GRIN2B: variants seen among roughly 807,000 people sequenced by gnomAD.
GRIN2B encodes the protein glutamate receptor ionotropic, NMDA 2B.
In GRIN2B, 5 loss-of-function variants were observed where a neutral mutation model predicts 114.5. That is an observed-to-expected ratio of 0.04 (90% CI 0.02 to 0.09). The LOEUF is 0.09. GRIN2B is among the 10% of genes least tolerant of loss of function. GRIN2B has a pLI of 1.00. For synonymous variants in GRIN2B, 787 were observed against 745.1 expected (o/e 1.06, Z -0.92); for missense variants, 1,108 against 1,943.5 (o/e 0.57, Z 8.08).
At chr12:13,574,680 T>C (rs1948751966) in intron 10 of GRIN2B, among the ~76,000 whole-genome samples, 1 of 152,170 alleles carries the variant, frequency 6.6e-6, no homozygotes, top group Non-Finnish European at 1.5e-5. Context: ...TATAGTAATT[T>C]TTAATTTTAA....
intron 4 of GRIN2B, among the ~76,000 whole-genome samples, chr12:13,722,018 T>C (rs1250778884): frequency 1.3e-5 from 2 of 152,112 alleles, no homozygotes; most frequent in Admixed American, 1.3e-4. Context: ...GGGGACAAGA[T>C]GATAGTAGAC....
intron 3 of GRIN2B, among the ~76,000 whole-genome samples, chr12:13,761,275 T>A (rs1863675504): frequency 6.6e-6 from 1 of 152,234 alleles, no homozygotes; most frequent in Non-Finnish European, 1.5e-5. Flanking sequence ...TCTACTTGAA[T>A]TTGGCCCCAT....
intron 5 of GRIN2B, among the ~76,000 whole-genome samples, chr12:13,655,285 C>G (rs1279606305): frequency 6.6e-6 from 1 of 152,136 alleles, no homozygotes; most frequent in Non-Finnish European, 1.5e-5. Context: ...CAAGCTTGTT[C>G]TCCTAACCTA....
intron 3 of GRIN2B, among the ~76,000 whole-genome samples, chr12:13,763,695 T>C (rs1158245737): frequency 1.3e-5 from 2 of 152,184 alleles, no homozygotes; most frequent in African/African-American, 2.4e-5. Flanking sequence ...TGTTCTTAAA[T>C]AGGGACTCAG....
At chr12:13,703,323 T>A (rs1950328774) in intron 4 of GRIN2B, among the ~76,000 whole-genome samples, 1 of 152,202 alleles carries the variant, frequency 6.6e-6, no homozygotes, top group African/African-American at 2.4e-5. Context: ...CATATTTGTG[T>A]TATTCCTGAA....
chr12:13,893,898 T>C (rs1866309734), intron 2 of GRIN2B, among the ~76,000 whole-genome samples: 4 of 152,186 alleles, frequency 2.6e-5, no homozygotes, highest in African/African-American at 2.4e-5. Flanking sequence ...ACAACTATAA[T>C]AAAGAATTTA....
At chr12:13,798,296 T>TAA (rs34266526) in intron 3 of GRIN2B, among the ~76,000 whole-genome samples, 7,003 of 146,246 alleles carry the variant, frequency 0.048, 225 homozygotes, top group Admixed American at 0.072. Context: ...ATTCATTTAC[T>TAA]AAAAAAAAAA....
At chr12:13,759,154 C>T (rs1001410689) in intron 3 of GRIN2B, among the ~76,000 whole-genome samples, 3 of 151,622 alleles carry the variant, frequency 2.0e-5, no homozygotes, top group Admixed American at 6.6e-5. Flanking sequence ...ACTACAGATG[C>T]GCACCACCAC....
chr12:13,666,274 A>G (rs1475039444), intron 5 of GRIN2B, among the ~76,000 whole-genome samples: 1 of 152,156 alleles, frequency 6.6e-6, no homozygotes, highest in African/African-American at 2.4e-5. Flanking sequence ...CCTTCAGAAC[A>G]GCTAGCTGAC....
chr12:13,940,799 C>T (rs891430328), intron 2 of GRIN2B, among the ~76,000 whole-genome samples: 31 of 152,244 alleles, frequency 2.0e-4, no homozygotes, highest in Middle Eastern at 3.4e-3. Context: ...CATTCTGTAA[C>T]GGATGAGTGT....
At chr12:13,566,371 A>C (rs193001929) in intron 13 of GRIN2B, among the ~76,000 whole-genome samples, 198 of 152,278 alleles carry the variant, frequency 1.3e-3, no homozygotes, top group African/African-American at 4.6e-3. Context: ...TTTTAAAAAA[A>C]CTTCTCCCTG....
chr12:13,974,517 G>C (rs1351945217), intron 2 of GRIN2B, among the ~76,000 whole-genome samples: 1 of 152,152 alleles, frequency 6.6e-6, no homozygotes, highest in East Asian at 1.9e-4. Flanking sequence ...CGGGAGGCTT[G>C]CCTTTTACAC....
chr12:13,794,207 CAAAAA>C (rs3082833), intron 3 of GRIN2B, among the ~76,000 whole-genome samples: 1 of 103,066 alleles, frequency 9.7e-6, no homozygotes, highest in Non-Finnish European at 1.9e-5. Flanking sequence ...GACTCTGTCT[CAAAAA>C]AAAAAAAAAA....
chr12:13,885,364 A>T (rs1866138027), intron 2 of GRIN2B, among the ~76,000 whole-genome samples: 1 of 152,218 alleles, frequency 6.6e-6, no homozygotes, highest in South Asian at 2.1e-4. Context: ...AAGACATTAC[A>T]AGAATGAAAT....
chr12:13,895,317 A>G (rs989853733), intron 2 of GRIN2B, among the ~76,000 whole-genome samples: 51 of 152,184 alleles, frequency 3.4e-4, no homozygotes, highest in African/African-American at 1.2e-3. Flanking sequence ...AAATTGAGAT[A>G]AAGTTGCAGT....
At chr12:13,760,177 CTTAT>C (rs1863653100) in intron 3 of GRIN2B, among the ~76,000 whole-genome samples, 2 of 152,198 alleles carry the variant, frequency 1.3e-5, no homozygotes, top group Admixed American at 1.3e-4. Flanking sequence ...TACATGATTA[CTTAT>C]TTGACATGTT....
intron 4 of GRIN2B, among the ~76,000 whole-genome samples, chr12:13,700,228 T>C (rs1023987752): frequency 1.3e-5 from 2 of 152,152 alleles, no homozygotes; most frequent in Non-Finnish European, 2.9e-5. Flanking sequence ...AAAGAGAAAC[T>C]GATGGCAATT....
In GRIN2B at chr12:13,546,293, G is replaced by A. The variant is rs578111795; in HGVS notation, c.*16490C>T. The A allele has an allele frequency of 6.6e-6, 1 of 152,324 alleles. No individual in the cohort carries two copies. Among genetic ancestry groups the A allele is most frequent in the African/African-American group, 2.4e-5 (1 of 41,570 alleles). 9.4% of individuals were successfully genotyped at this position (152,324 alleles called of 1,614,324 possible). ...AGAGGGGCTGCCCTAAAGGTTTGTAGACAAGGTTTTGAAGAATCGAGCTAC... is the reference window on the plus strand; with the variant it reads ...AGAGGGGCTGCCCTAAAGGTTTGTAAACAAGGTTTTGAAGAATCGAGCTAC... On this transcript the variant is annotated 3_prime_UTR_variant, in exon 14 of 14. Coordinates refer to ENST00000609686, the MANE Select transcript of GRIN2B (RefSeq NM_000834.5).
intron 4 of GRIN2B, among the ~76,000 whole-genome samples, chr12:13,684,232 A>T (rs866665100): frequency 1.3e-5 from 2 of 152,284 alleles, no homozygotes; most frequent in East Asian, 3.9e-4. Context: ...ATTTTAGTCT[A>T]GAATAAATGA....
Sources: allele counts gnomAD v4.1 joint callset (sites outside exome capture counted in the v4.1 genomes callset), GRCh38; gene constraint gnomAD v4.1.1; transcripts MANE v1.5; gene names NCBI Gene and HGNC (gene_info 2026-07-23, HGNC 2026-07-21).